Variants in FBXW11 observed in about 807,000 individuals in gnomAD.
FBXW11 encodes the protein F-box/WD repeat-containing protein 11.
FBXW11 carries 19 observed loss-of-function variants against 77.6 expected under a neutral mutation model. The ratio of observed to expected loss-of-function variants is 0.24; its 90% CI spans 0.17 to 0.36. The LOEUF (loss-of-function observed/expected upper bound fraction) is 0.36. Ranked by LOEUF, FBXW11 falls within the 10% of genes least tolerant of loss-of-function variation. The pLI is 1.00. For missense variants in FBXW11, 334 were observed against 704.2 expected (o/e 0.47, Z 5.95); for synonymous variants, 235 against 249.4 (o/e 0.94, Z 0.54).
At chr5:171,917,182 G>C (rs1167707320) in intron 2 of FBXW11, among the ~76,000 whole-genome samples, 1 of 152,218 alleles carries the variant, frequency 6.6e-6, no homozygotes, top group Non-Finnish European at 1.5e-5. Flanking sequence ...GCCTCCCACA[G>C]TGTTGGGATT....
intron 4 of FBXW11, among the ~76,000 whole-genome samples, 164 bp from the exon 5 acceptor site, chr5:171,900,264 T>A (rs946993595): frequency 6.6e-6 from 1 of 152,214 alleles, no homozygotes; most frequent in African/African-American, 2.4e-5. Flanking sequence ...CATAAACATA[T>A]ACACTTCTTT....
intron 10 of FBXW11, among the ~76,000 whole-genome samples, chr5:171,872,001 A>T (rs1313379454): frequency 6.6e-6 from 1 of 152,260 alleles, no homozygotes; most frequent in East Asian, 1.9e-4. Flanking sequence ...AAGAGAATCA[A>T]GATTTAAGCT....
chr5:171,898,167 T>C (rs1759874288), intron 6 of FBXW11, among the ~76,000 whole-genome samples: 1 of 150,318 alleles, frequency 6.7e-6, no homozygotes, highest in Non-Finnish European at 1.5e-5. Flanking sequence ...AAAAAGCACA[T>C]GTTTCTCCGT....
intron 1 of FBXW11, among the ~76,000 whole-genome samples, chr5:171,980,031 CT>C (rs1460189588): frequency 2.0e-5 from 3 of 152,170 alleles, no homozygotes; most frequent in Admixed American, 2.0e-4. Context: ...GTAAAAACAC[CT>C]TCAAATAAGG....
intron 1 of FBXW11, among the ~76,000 whole-genome samples, chr5:171,965,263 T>G (rs192380741): frequency 1.3e-5 from 2 of 152,326 alleles, no homozygotes; most frequent in East Asian, 3.9e-4. Context: ...AGATGGCTCA[T>G]GCCTATAATC....
In FBXW11 at chr5:171,918,953, G is replaced by A. The variant is rs1303826760; in HGVS notation, c.148-4548C>T. 3.9e-5 allele frequency among the ~76,000 whole-genome samples: 6 copies of A among 152,252 alleles called. No individual in the cohort carries two copies. The East Asian group carries it at 1.2e-3, about 29-fold the overall frequency. ...TGGGCTCCTAAACTTGACACCGTGG[G>A]AGAATATACTAAGGCACTACCATCT... On this transcript the variant is annotated intron_variant, in intron 2 of 13. Transcript: ENST00000517395.
At chr5:171,877,482 A>C (rs1758166820) in intron 8 of FBXW11, among the ~76,000 whole-genome samples, 1 of 152,204 alleles carries the variant, frequency 6.6e-6, no homozygotes, top group African/African-American at 2.4e-5. Context: ...ATCTGGAAGC[A>C]GCATTTCCAC....
chr5:171,918,696 ACT>A (rs1329441160), intron 2 of FBXW11, among the ~76,000 whole-genome samples: 1 of 152,106 alleles, frequency 6.6e-6, no homozygotes, highest in Non-Finnish European at 1.5e-5. Context: ...AAGAAGCTAG[ACT>A]CTCAGGCAGA....
intron 9 of FBXW11, among the ~76,000 whole-genome samples, chr5:171,874,951 G>T (rs952141463): frequency 6.7e-6 from 1 of 150,326 alleles, no homozygotes; most frequent in Non-Finnish European, 1.5e-5. Flanking sequence ...GTCTTCAAAA[G>T]GAAAAAAAAG....
chr5:171,947,223 G>A lies in FBXW11; in HGVS notation c.147+10374C>T, dbSNP rs1466915791. The stretch of plus-strand genomic sequence containing the variant: ...AGGCCCTATGCCTAACACATAGTAA[G>A]AACATCATAAGTCATTTGTTGCTTG... On this transcript the variant is annotated intron_variant, in intron 2 of 13. Transcript: ENST00000517395. Among the ~76,000 whole-genome samples the A allele has an allele frequency of 4.6e-5, 7 of 152,276 alleles. 1 individual carries two copies. In the East Asian group the frequency reaches 1.3e-3, roughly 29 times the overall value.
chr5:171,917,459 C>T (rs1761327297), intron 2 of FBXW11, among the ~76,000 whole-genome samples: 1 of 152,064 alleles, frequency 6.6e-6, no homozygotes, highest in Non-Finnish European at 1.5e-5. Context: ...GAAACAACCC[C>T]CTGAAGAAAA....
At chr5:171,901,158 C>T (rs1249080886) in intron 4 of FBXW11, among the ~76,000 whole-genome samples, 3 of 152,146 alleles carry the variant, frequency 2.0e-5, no homozygotes, top group Non-Finnish European at 4.4e-5. Context: ...ATGGTAATCA[C>T]CAGTAACAAC....
intron 2 of FBXW11, among the ~76,000 whole-genome samples, chr5:171,930,586 C>T (rs839266): frequency 0.017 from 2,523 of 152,028 alleles, 24 homozygotes; most frequent in African/African-American, 0.032. Flanking sequence ...ACAAACACTG[C>T]GGAAGGCCGC....
At chr5:171,870,704 T>C in intron 11 of FBXW11, 44 bp downstream of exon 11, 5 of 1,402,630 alleles carry the variant, frequency 3.6e-6, no homozygotes, top group Non-Finnish European at 5.0e-6. Flanking sequence ...CTCTTTCTTC[T>C]TGATACAGTT....
chr5:171,968,260 T>A (rs1764329678), intron 1 of FBXW11, among the ~76,000 whole-genome samples: 1 of 151,708 alleles, frequency 6.6e-6, no homozygotes, highest in Admixed American at 6.6e-5. Context: ...ATCGAGACCA[T>A]CCCGGCTAAC....
intron 2 of FBXW11, among the ~76,000 whole-genome samples, chr5:171,918,255 T>C (rs1173501800): frequency 6.6e-6 from 1 of 151,952 alleles, no homozygotes; most frequent in Non-Finnish European, 1.5e-5. Flanking sequence ...CCCAAGCAGA[T>C]AAGGGATACT....
chr5:171,910,792 A>G lies in FBXW11; in HGVS notation c.216T>C (p.Ser72=). Residue 72 remains serine (S), a synonymous_variant, in exon 4 of 14, where the codon AGT becomes AGC. Transcript: ENST00000517395. The stretch of plus-strand genomic sequence containing the variant: ...AGACGATCACAGATGATGTTCCATT[A>G]CTTATCTATTTTAGAAAAACAAAAA... ...SPKKNTLWQI[S]NGTSSVIVSR... 1 of 1,559,574 alleles carries G rather than the reference A, an allele frequency of 6.4e-7. No homozygotes were observed. The highest frequency in any genetic ancestry group is 1.2e-5 in the South Asian group (1 of 81,464).
At chr5:171,875,890 T>C (rs1758048737) in intron 9 of FBXW11, among the ~76,000 whole-genome samples, 1 of 152,214 alleles carries the variant, frequency 6.6e-6, no homozygotes, top group African/African-American at 2.4e-5. Context: ...ACTAACTAGC[T>C]GTGATGATCA....
intron 1 of FBXW11, among the ~76,000 whole-genome samples, chr5:171,992,015 T>G (rs1344301807): frequency 1.3e-5 from 2 of 150,662 alleles, no homozygotes; most frequent in Non-Finnish European, 2.9e-5. Flanking sequence ...CTCGGGAGGC[T>G]GAGGTGGGAG....
Sources: gnomAD v4.1 joint callset for allele counts (sites outside exome capture counted in the v4.1 genomes callset) on GRCh38, gnomAD v4.1.1 for gene constraint, MANE v1.5 for transcripts, NCBI Gene and HGNC (gene_info 2026-07-23, HGNC 2026-07-21) for gene names.